Variants in FBXO34 observed in about 807,000 individuals in gnomAD.
FBXO34 encodes F-box protein 34, also known as F-box only protein 34.
In FBXO34, 12 loss-of-function variants were observed where a neutral mutation model predicts 24.5. The observed-to-expected ratio is 0.49, with a 90% CI of 0.31 to 0.79. FBXO34 has a LOEUF of 0.79. Ranked by LOEUF, FBXO34 falls within the 30% of genes least tolerant of loss-of-function variation. FBXO34 has a pLI of 0.04. For synonymous variants in FBXO34, 320 were observed against 311.9 expected (o/e 1.03, Z -0.27); for missense variants, 823 against 857.7 (o/e 0.96, Z 0.51).
chr14:55,375,490 A>AATT, the FBXO34 span, among the ~76,000 whole-genome samples: 2,027 of 117,714 alleles, frequency 0.017, 88 homozygotes, highest in Non-Finnish European at 0.017. Flanking sequence ...GCCGGGCTAA[A>AATT]TTTTTTTTTT....
chr14:55,344,200 T>C lies in FBXO34; in HGVS notation c.-10-6181T>C, dbSNP rs1291449579. ...TCACCTTCTAGTCACCCCTCCATCA[T>C]GAACTTTTGACTTCTTGTCCACTGT... On this transcript the variant is annotated intron_variant, in intron 1 of 1. Coordinates refer to ENST00000313833, the MANE Select transcript of FBXO34 (RefSeq NM_017943.4). Among the ~76,000 whole-genome samples, 3 of 152,174 alleles carry C rather than the reference T, an allele frequency of 2.0e-5. No homozygotes were observed. The East Asian group carries it at 5.8e-4, about 29-fold the overall frequency.
rs778098304 is a variant in FBXO34, at chr14:55,352,024, T to C, written c.1634T>C (p.Leu545Pro). ...ASSVESTLPV[L>P]EASSWKKQVS... ...TCTGTGGAAAGTACATTACCAGTGC[T>C]TGAGGCATCCAGTTGGAAGAAGCAG... Residue 545 changes from leucine (L) to proline (P), a missense_variant, in exon 2 of 2, where the codon CTT (leucine) becomes CCT (proline). Transcript: ENST00000313833. The C allele has an allele frequency of 6.2e-7, 1 of 1,614,218 alleles. No homozygotes were observed. The highest frequency in any genetic ancestry group is 1.1e-5 in the South Asian group (1 of 91,080).
the FBXO34 span, among the ~76,000 whole-genome samples, chr14:55,398,281 ATCTT>A: frequency 2.0e-4 from 30 of 152,102 alleles, no homozygotes; most frequent in Non-Finnish European, 3.2e-4. Context: ...CCAGTTTTCT[ATCTT>A]TATTTTCTTC....
rs1387264120 is a variant in FBXO34 at position 55,350,863 on chromosome 14, A to G, written c.473A>G (p.Lys158Arg). 2 of 1,613,190 alleles carry G rather than the reference A, an allele frequency of 1.2e-6. No individual in the cohort carries two copies. The highest frequency in any genetic ancestry group is 1.7e-6 in the Non-Finnish European group (2 of 1,179,796). ...AGAAGGAAAAAATCAGGGGATCTTA[A>G]AAAAGCCAAGGTACAGGTGGAAAGG... ...TKRRKKSGDL[K>R]KAKVQVERMR... Residue 158 changes from lysine to arginine, a missense_variant, in exon 2 of 2, where the codon AAA becomes AGA. This residue lies in a region of FBXO34 where 693 missense variants were observed against 659.1 expected (regional missense o/e 1.05). Transcript: ENST00000313833.
intron 1 of FBXO34, among the ~76,000 whole-genome samples, chr14:55,329,893 AAT>A (rs975878032): frequency 2.0e-5 from 3 of 151,366 alleles, no homozygotes; most frequent in African/African-American, 2.4e-5. Context: ...ATTAAGATAA[AAT>A]ATATATATAT....
At chr14:55,396,814 G>A in the FBXO34 span, among the ~76,000 whole-genome samples, 4 of 151,942 alleles carry the variant, frequency 2.6e-5, no homozygotes, top group African/African-American at 9.7e-5. Flanking sequence ...ATTCATCAGG[G>A]GTGCCTGTTA....
At chr14:55,349,328 G>A (rs920854092) in intron 1 of FBXO34, among the ~76,000 whole-genome samples, 24 of 151,968 alleles carry the variant, frequency 1.6e-4, no homozygotes, top group African/African-American at 5.6e-4. Flanking sequence ...TTTTTGTCTC[G>A]TTTCTGAAAT....
the FBXO34 span, chr14:55,413,492 G>A: frequency 4.3e-6 from 1 of 230,596 alleles, no homozygotes; most frequent in Non-Finnish European, 8.9e-6. Context: ...AAGGGGAGGG[G>A]GCGGCGCCAC....
intron 1 of FBXO34, among the ~76,000 whole-genome samples, chr14:55,329,336 A>T (rs72717707): frequency 0.011 from 1,654 of 152,212 alleles, 12 homozygotes; most frequent in Middle Eastern, 0.027. Flanking sequence ...AATGGATGAG[A>T]TCAGACATCT....
intron 1 of FBXO34, among the ~76,000 whole-genome samples, chr14:55,295,530 G>A (rs1882092908): frequency 6.6e-6 from 1 of 151,696 alleles, no homozygotes; most frequent in African/African-American, 2.4e-5. Flanking sequence ...GAGTAGCTGG[G>A]ATTACAGGCA....
chr14:55,283,510 G>A (rs1263725121), intron 1 of FBXO34, among the ~76,000 whole-genome samples: 1 of 149,462 alleles, frequency 6.7e-6, no homozygotes, highest in Non-Finnish European at 1.5e-5. Flanking sequence ...TGTTGCCCAG[G>A]CTGGAGTGCA....
the FBXO34 span, among the ~76,000 whole-genome samples, chr14:55,439,613 A>ACCCCCCCCCCC: frequency 3.5e-3 from 169 of 47,898 alleles, 26 homozygotes; most frequent in Non-Finnish European, 4.7e-3. Flanking sequence ...GAGAAAAGCA[A>ACCCCCCCCCCC]ACCCCCCCCC....
downstream of FBXO34, chr14:55,366,244 A>G (rs1884674982): frequency 6.6e-6 from 1 of 152,534 alleles, no homozygotes. Flanking sequence ...TAAAAAATAT[A>G]TTAACATTTT....
chr14:55,382,814 T>A, the FBXO34 span, among the ~76,000 whole-genome samples: 1 of 152,200 alleles, frequency 6.6e-6, no homozygotes, highest in South Asian at 2.1e-4. Context: ...TCTCTACGTG[T>A]TTAAAACACT....
At chr14:55,431,218 C>T in the FBXO34 span, among the ~76,000 whole-genome samples, 2 of 152,102 alleles carry the variant, frequency 1.3e-5, no homozygotes, top group East Asian at 3.8e-4. Context: ...ACTCACTATC[C>T]AAAACTTCAA....
downstream of FBXO34, among the ~76,000 whole-genome samples, chr14:55,373,191 T>C (rs1884855885): frequency 6.6e-6 from 1 of 152,204 alleles, no homozygotes; most frequent in Non-Finnish European, 1.5e-5. Context: ...TCCTAATTTT[T>C]AGTTTAGCTG....
chr14:55,316,752 T>C (rs1420830365), intron 1 of FBXO34, among the ~76,000 whole-genome samples: 1 of 151,624 alleles, frequency 6.6e-6, no homozygotes, highest in East Asian at 1.9e-4. Flanking sequence ...TAAAAGAATT[T>C]CAAGACGGCA....
At chr14:55,370,795 C>T (rs1429581676), downstream of FBXO34, among the ~76,000 whole-genome samples, 5 of 152,184 alleles carry the variant, frequency 3.3e-5, no homozygotes, top group Non-Finnish European at 7.3e-5. Flanking sequence ...CACCTGCCAC[C>T]ATGCCCGGCT....
the FBXO34 span, among the ~76,000 whole-genome samples, chr14:55,377,461 TTATAAAG>T: frequency 3.3e-5 from 5 of 152,078 alleles, no homozygotes; most frequent in Non-Finnish European, 5.9e-5. Flanking sequence ...TCACAGCTTT[TTATAAAG>T]GGGTCTATGT....
Sources: allele counts gnomAD v4.1 joint callset (sites outside exome capture counted in the v4.1 genomes callset), GRCh38; gene constraint gnomAD v4.1.1; regional missense constraint gnomAD v4.1.1; transcripts MANE v1.5; gene names NCBI Gene and HGNC (gene_info 2026-07-23, HGNC 2026-07-21).